SCTR: variants seen among roughly 807,000 people sequenced by gnomAD.
SCTR encodes pancreatic secretin receptor.
A neutral mutation model predicts 60.8 loss-of-function variants in SCTR; 56 were observed. The ratio of observed to expected loss-of-function variants is 0.92; its 90% CI spans 0.74 to 1.15. The LOEUF is 1.15. SCTR is among the 50% of genes most tolerant of loss of function. SCTR has a pLI of 0.00. For synonymous variants in SCTR, 202 were observed against 217.0 expected, an observed-to-expected ratio of 0.93 and a Z score of 0.61; for missense variants, 562 against 550.4, an observed-to-expected ratio of 1.02 and a Z score of -0.21.
At chr2:119,468,882 G>A (rs559594340) in intron 4 of SCTR, among the ~76,000 whole-genome samples, 1 of 152,300 alleles carries the variant, frequency 6.6e-6, no homozygotes, top group African/African-American at 2.4e-5. Flanking sequence ...GAGGAGAAAA[G>A]TGTTAGACTG....
intron 1 of SCTR, among the ~76,000 whole-genome samples, chr2:119,503,116 G>A (rs113356218): frequency 0.049 from 6,816 of 140,368 alleles, 364 homozygotes; most frequent in African/African-American, 0.14. Context: ...CCAAGATAGC[G>A]CCAGTGCACT....
Position 119,494,451 on chromosome 2 carries a change from A to G in SCTR, c.170T>C (p.Leu57Pro), listed in dbSNP as rs763626056. The G allele has an allele frequency of 2.8e-5, 45 of 1,613,788 alleles. 1 individual carries two copies. Among genetic ancestry groups the G allele is most frequent in the Non-Finnish European group, 3.5e-5 (41 of 1,179,906 alleles). Residue 57 changes from leucine (L) to proline (P), a missense_variant, in exon 2 of 13, where the codon CTG becomes CCG. Transcript: ENST00000019103. ...QELSREQTGD[L>P]GTEQPVPGCE... Reference sequence around the variant, plus strand: ...ACCTGGCACTGGCTGCTCCGTGCCCAGGTCTCCTGTCTGCTCTCTGGAGAG... The same window carrying G: ...ACCTGGCACTGGCTGCTCCGTGCCCGGGTCTCCTGTCTGCTCTCTGGAGAG...
intron 1 of SCTR, among the ~76,000 whole-genome samples, chr2:119,507,499 G>A (rs925360198): frequency 6.6e-6 from 1 of 152,026 alleles, no homozygotes; most frequent in Non-Finnish European, 1.5e-5. Context: ...GGAAGAACTC[G>A]TCCCCTGGCT....
At chr2:119,455,338 C>T (rs1266710056) in intron 7 of SCTR, among the ~76,000 whole-genome samples, 1 of 152,198 alleles carries the variant, frequency 6.6e-6, no homozygotes, top group African/African-American at 2.4e-5. Flanking sequence ...CCCCCAACAG[C>T]CATTAGCCGG....
chr2:119,461,133 T>A (rs1364436133), intron 7 of SCTR, among the ~76,000 whole-genome samples: 2 of 152,236 alleles, frequency 1.3e-5, no homozygotes, highest in Non-Finnish European at 2.9e-5. Context: ...AAGTTGGTGA[T>A]CACTGGACTT....
chr2:119,455,888 A>G (rs1452334569), intron 7 of SCTR, among the ~76,000 whole-genome samples: 1 of 152,118 alleles, frequency 6.6e-6, no homozygotes, highest in Non-Finnish European at 1.5e-5. Context: ...AAAACGATGA[A>G]AAAAGGCCTG....
chr2:119,491,806 C>T (rs376995324), intron 2 of SCTR, among the ~76,000 whole-genome samples: 71 of 152,282 alleles, frequency 4.7e-4, no homozygotes, highest in African/African-American at 1.5e-3. Flanking sequence ...CCGCTGTGCC[C>T]GGCAATCAAT....
intron 1 of SCTR, among the ~76,000 whole-genome samples, chr2:119,517,273 C>CCTCA (rs1558884689): frequency 6.6e-6 from 1 of 151,968 alleles, no homozygotes; most frequent in Non-Finnish European, 1.5e-5. Flanking sequence ...ATTCCTCCCG[C>CCTCA]CTCAACCTCC....
rs1678929524 is a variant in SCTR at position 119,511,503 on chromosome 2, T to C, written c.72+12652A>G. Among the ~76,000 whole-genome samples, 4 of 152,240 alleles carry C rather than the reference T, an allele frequency of 2.6e-5. No homozygotes were observed. In the South Asian group the frequency reaches 8.3e-4, roughly 32 times the overall value. ...TTGTTTTTCCTGAGGTCTATCATTATTGTTTTTTCATTGGATTAGTTTTCC... is the reference window on the plus strand; with the variant it reads ...TTGTTTTTCCTGAGGTCTATCATTACTGTTTTTTCATTGGATTAGTTTTCC... On this transcript the variant is annotated intron_variant, in intron 1 of 12. Transcript: ENST00000019103.
At chr2:119,483,921 A>G (rs1244932796) in intron 2 of SCTR, among the ~76,000 whole-genome samples, 2 of 151,516 alleles carry the variant, frequency 1.3e-5, no homozygotes, top group East Asian at 3.9e-4. Context: ...AGCATCTCAG[A>G]CTCCACTCCG....
At chr2:119,477,437 TTTTGTTTGTTTGTTTG>T (rs72343036) in intron 3 of SCTR, among the ~76,000 whole-genome samples, 1 of 151,130 alleles carries the variant, frequency 6.6e-6, no homozygotes, top group Non-Finnish European at 1.5e-5. Context: ...TCTGGACGTT[TTTTGTTTGTTTGTTTG>T]TTTGTTTGTT....
chr2:119,444,457 A>G lies in SCTR; in HGVS notation c.1140+2302T>C, dbSNP rs571353562. 2.5e-5 allele frequency among the ~76,000 whole-genome samples: 3 copies of G among 121,396 alleles called. 1 individual carries two copies. The South Asian group carries it at 8.2e-4, about 33-fold the overall frequency. 79.6% of individuals were successfully genotyped at this position (121,396 alleles called of 152,430 possible). A position where few individuals can be genotyped will look rare whatever the true frequency, so the allele number is the denominator to read the frequency against. On this transcript the variant is annotated intron_variant, in intron 11 of 12. Transcript: ENST00000019103. Reference sequence around the variant, plus strand: ...TATACACATATATATACGTACGTATATATATACACATATATACGTACGTAT... The same window carrying G: ...TATACACATATATATACGTACGTATGTATATACACATATATACGTACGTAT...
rs998589158 is a variant in SCTR at position 119,524,422 on chromosome 2, C to T, written c.-196G>A. The T allele has an allele frequency of 5.2e-5, 20 of 381,266 alleles. No homozygotes were observed. Among genetic ancestry groups the T allele is most frequent in the Admixed American group, 2.3e-4 (5 of 21,680 alleles). 23.6% of individuals were successfully genotyped at this position (381,266 alleles called of 1,614,324 possible). A position where few individuals can be genotyped will look rare whatever the true frequency, so the allele number is the denominator to read the frequency against. On this transcript the variant is annotated 5_prime_UTR_variant, in exon 1 of 13. Transcript: ENST00000019103. ...GGACCAGGTGGCCGCGCGCGCTAAG[C>T]CGCCCGCCCCATTGATCAGGACGCG...
intron 9 of SCTR, 80 bp from the exon 10 acceptor site, chr2:119,448,860 G>C (rs1172158326): frequency 1.3e-6 from 1 of 762,482 alleles, no homozygotes; most frequent in East Asian, 2.6e-5. Context: ...CCCTGGACCT[G>C]AGGGCAGAGA....
intron 7 of SCTR, 66 bp downstream of exon 7, chr2:119,461,781 T>C: frequency 1.9e-6 from 2 of 1,066,276 alleles, no homozygotes; most frequent in East Asian, 3.7e-5. Context: ...AGCCGAACCC[T>C]CCGACTCTCG....
At chr2:119,485,331 C>T (rs985340770) in intron 2 of SCTR, among the ~76,000 whole-genome samples, 3 of 152,182 alleles carry the variant, frequency 2.0e-5, no homozygotes, top group Admixed American at 2.0e-4. Context: ...GAAGCAGACC[C>T]AGCAATGTCA....
intron 4 of SCTR, among the ~76,000 whole-genome samples, chr2:119,471,446 C>T (rs1482042006): frequency 6.6e-6 from 1 of 152,286 alleles, no homozygotes; most frequent in East Asian, 1.9e-4. Context: ...CTGAAGACCT[C>T]GTGTATGTTC....
In SCTR at chr2:119,470,358, A is replaced by G. The variant is rs1318198564; in HGVS notation, c.405+3095T>C. 2.0e-5 allele frequency among the ~76,000 whole-genome samples: 3 copies of G among 152,356 alleles called. No individual in the cohort carries two copies. In the East Asian group the frequency reaches 5.8e-4, roughly 29 times the overall value. On this transcript the variant is annotated intron_variant, in intron 4 of 12. Transcript: ENST00000019103. ...AAAAGACATTTTAATAATAAGAAAT[A>G]GGATGGTTTAAATCTCAGAATAAAG... is the stretch of plus-strand genomic sequence containing the variant.
At chr2:119,457,158 G>C (rs761905716) in intron 7 of SCTR, among the ~76,000 whole-genome samples, 5 of 152,170 alleles carry the variant, frequency 3.3e-5, no homozygotes, top group Non-Finnish European at 5.9e-5. Flanking sequence ...TGCATTTGAT[G>C]ATTTGGAAAA....
Sources: allele counts gnomAD v4.1 joint callset (sites outside exome capture counted in the v4.1 genomes callset), GRCh38; gene constraint gnomAD v4.1.1; transcripts MANE v1.5; gene names NCBI Gene and HGNC (gene_info 2026-07-23, HGNC 2026-07-21).